COL25A1: variants seen among roughly 807,000 people sequenced by gnomAD.
The protein encoded by COL25A1 is collagen alpha-1(XXV) chain.
A neutral mutation model predicts 128.4 loss-of-function variants in COL25A1; 103 were observed. The ratio of observed to expected loss-of-function variants is 0.80; its 90% CI spans 0.68 to 0.94. The LOEUF (loss-of-function observed/expected upper bound fraction) is 0.94. COL25A1 is among the 40% of genes least tolerant of loss of function. COL25A1 has a pLI of 0.00. For missense variants in COL25A1, 745 were observed against 840.0 expected (o/e 0.89, Z 1.40); for synonymous variants, 279 against 277.2 (o/e 1.01, Z -0.06).
intron 5 of COL25A1, among the ~76,000 whole-genome samples, chr4:109,024,013 TG>T (rs1758004198): frequency 6.6e-6 from 1 of 152,226 alleles, no homozygotes; most frequent in Non-Finnish European, 1.5e-5. Flanking sequence ...CGTTATTTCA[TG>T]GTGAGTACCC....
At chr4:109,156,609 A>G (rs1269462752) in intron 3 of COL25A1, among the ~76,000 whole-genome samples, 2 of 152,212 alleles carry the variant, frequency 1.3e-5, no homozygotes, top group African/African-American at 2.4e-5. Context: ...GCAAACTCAT[A>G]TGTTGAGATA....
intron 3 of COL25A1, among the ~76,000 whole-genome samples, chr4:109,211,418 T>C (rs1341163784): frequency 6.8e-6 from 1 of 147,248 alleles, no homozygotes; most frequent in Non-Finnish European, 1.5e-5. Context: ...TCATCTCCTA[T>C]CCTGTTTGCT....
intron 5 of COL25A1, among the ~76,000 whole-genome samples, chr4:109,012,039 G>T (rs1018100624): frequency 2.0e-5 from 3 of 152,142 alleles, no homozygotes; most frequent in Non-Finnish European, 4.4e-5. Flanking sequence ...TTGTTATAGG[G>T]TCTCACTCTG....
chr4:109,039,915 GAAGT>G (rs1759720929), intron 5 of COL25A1, among the ~76,000 whole-genome samples: 1 of 152,028 alleles, frequency 6.6e-6, no homozygotes, highest in Non-Finnish European at 1.5e-5. Flanking sequence ...AAATTAAGCA[GAAGT>G]AAGAACTAGA....
chr4:109,301,615 C>T lies in COL25A1; in HGVS notation c.297+108G>A, dbSNP rs1472356061. 3.0e-6 allele frequency: 4 copies of T among 1,315,718 alleles called. No homozygotes were observed. The East Asian group carries it at 9.3e-5, about 30-fold the overall frequency. The allele number at this position is 1,315,718 out of a possible 1,614,324, so 81.5% of individuals were successfully genotyped here. A position where few individuals can be genotyped will look rare whatever the true frequency, so the allele number is the denominator to read the frequency against. ...CAACACATGCACGCGCGCGCACACA[C>T]ACAGCCACACCAAGTATGGGTACAG... On this transcript the variant is annotated intron_variant, in intron 2 of 37. Transcript: ENST00000399132.
chr4:109,093,937 T>C (rs1187983694), intron 3 of COL25A1, among the ~76,000 whole-genome samples: 1 of 152,190 alleles, frequency 6.6e-6, no homozygotes, highest in Non-Finnish European at 1.5e-5. Context: ...TTTAGAACTT[T>C]AGTTGGAAAA....
chr4:108,921,661 T>C lies in COL25A1; in HGVS notation c.709-1057A>G, dbSNP rs189838170. On this transcript the variant is annotated intron_variant, in intron 11 of 37. Coordinates refer to ENST00000399132, the MANE Select transcript of COL25A1 (RefSeq NM_198721.4). ...GCTCATGCATCCTTTTTATTAAAAA[T>C]ATATAATGTTTAGGAACATTCAGAG... Among the ~76,000 whole-genome samples the C allele has an allele frequency of 8.5e-5, 13 of 152,330 alleles. No homozygotes were observed. In the East Asian group the frequency reaches 2.5e-3, roughly 29 times the overall value.
intron 3 of COL25A1, among the ~76,000 whole-genome samples, chr4:109,097,018 G>C (rs999620415): frequency 6.6e-6 from 1 of 152,178 alleles, no homozygotes; most frequent in Non-Finnish European, 1.5e-5. Context: ...GAAAAAAGTT[G>C]ACTAGTTAAC....
intron 27 of COL25A1, among the ~76,000 whole-genome samples, chr4:108,848,129 T>G (rs925525267): frequency 1.3e-5 from 2 of 152,150 alleles, no homozygotes; most frequent in African/African-American, 4.8e-5. Flanking sequence ...AAAAAATTGT[T>G]GAGGTGTTAA....
chr4:109,067,570 TAGGATATC>T (rs1249982168), intron 3 of COL25A1, among the ~76,000 whole-genome samples: 2 of 152,234 alleles, frequency 1.3e-5, no homozygotes, highest in African/African-American at 4.8e-5. Context: ...GGGGAACATT[TAGGATATC>T]AGGAAGCACA....
intron 8 of COL25A1, among the ~76,000 whole-genome samples, chr4:108,961,423 T>C (rs569773124): frequency 2.8e-4 from 43 of 152,230 alleles, no homozygotes; most frequent in Non-Finnish European, 5.6e-4. Context: ...TAATTCTTAA[T>C]ATAAGAAGTA....
chr4:109,062,462 T>C (rs1369076887), intron 3 of COL25A1, among the ~76,000 whole-genome samples: 1 of 152,200 alleles, frequency 6.6e-6, no homozygotes, highest in Non-Finnish European at 1.5e-5. Flanking sequence ...AGAAGAATTG[T>C]AATAATCAGA....
At chr4:109,256,916 C>T (rs1229286229) in intron 3 of COL25A1, among the ~76,000 whole-genome samples, 2 of 152,186 alleles carry the variant, frequency 1.3e-5, no homozygotes, top group Non-Finnish European at 1.5e-5. Flanking sequence ...CTCTGGGTCA[C>T]TTCTAATCCC....
At chr4:108,937,254 T>A (rs1393954016) in intron 11 of COL25A1, among the ~76,000 whole-genome samples, 1 of 152,056 alleles carries the variant, frequency 6.6e-6, no homozygotes. Flanking sequence ...ACATTTTTTC[T>A]ACCAGCAAAA....
chr4:108,841,298 G>A (rs1734426257), intron 31 of COL25A1, among the ~76,000 whole-genome samples: 2 of 152,096 alleles, frequency 1.3e-5, no homozygotes, highest in Admixed American at 1.3e-4. Flanking sequence ...GCATTTAGAT[G>A]AGATATGACT....
intron 6 of COL25A1, among the ~76,000 whole-genome samples, chr4:108,981,519 C>G (rs1189728787): frequency 6.6e-6 from 1 of 152,036 alleles, no homozygotes; most frequent in Non-Finnish European, 1.5e-5. Context: ...TGTTTAATAT[C>G]TTTTTAAATG....
In COL25A1 at chr4:109,198,762, T is replaced by C. The variant is rs532095071; in HGVS notation, c.367+101821A>G. Among the ~76,000 whole-genome samples, 248 of 152,296 alleles carry C rather than the reference T, an allele frequency of 1.6e-3. 1 individual carries two copies. Among genetic ancestry groups the C allele is most frequent in the African/African-American group, 5.6e-3 (234 of 41,560 alleles). ...TGCCCACACTTACAATGGTTTAAAA[T>C]TTAAATCTTTAATAATGCTACAAAT... is the stretch of plus-strand genomic sequence containing the variant. On this transcript the variant is annotated intron_variant, in intron 3 of 37. Coordinates refer to ENST00000399132, the MANE Select transcript of COL25A1 (RefSeq NM_198721.4).
In COL25A1 at chr4:108,814,458, G is replaced by C. The variant is rs139696079; in HGVS notation, c.1963-529C>G. Among the ~76,000 whole-genome samples the C allele has an allele frequency of 1.1e-3, 164 of 152,216 alleles. 2 individuals carry two copies. In the East Asian group the frequency reaches 0.026, roughly 24 times the overall value. On this transcript the variant is annotated intron_variant, in intron 37 of 37. Coordinates refer to ENST00000399132, the MANE Select transcript of COL25A1 (RefSeq NM_198721.4). ...AAGCCTTGCCCTCTGTGAATGTTGT[G>C]CAAGGTAGACCTGCCTGCTGTCAGG...
At chr4:108,855,570 C>T (rs10030593) in intron 24 of COL25A1, among the ~76,000 whole-genome samples, 121,293 of 151,974 alleles carry the variant, frequency 0.8, 49,066 homozygotes, top group South Asian at 0.89. Flanking sequence ...CCAACATGTG[C>T]CATATACTAA....
Sources: gnomAD v4.1 joint callset for allele counts (sites outside exome capture counted in the v4.1 genomes callset) on GRCh38, gnomAD v4.1.1 for gene constraint, MANE v1.5 for transcripts, NCBI Gene and HGNC (gene_info 2026-07-23, HGNC 2026-07-21) for gene names.